The following KDM1B variants were observed in gnomAD, a reference collection of about 807,000 sequenced individuals.
KDM1B encodes the protein lysine-specific histone demethylase 2.
KDM1B carries 63 observed loss-of-function variants against 107.4 expected under a neutral mutation model. That is an observed-to-expected ratio of 0.59 (90% confidence interval 0.48 to 0.72). The LOEUF is 0.72. KDM1B is among the 30% of genes least tolerant of loss of function. The pLI, the probability that KDM1B is intolerant of heterozygous loss-of-function variation, is 0.00. For synonymous variants in KDM1B, 363 were observed against 363.9 expected (o/e 1.00, Z 0.03); for missense variants, 749 against 1,020.8 (o/e 0.73, Z 3.63).
At position 18,175,950 on chromosome 6, in the gene KDM1B, G is replaced by A. The variant is rs551825194; in HGVS notation, c.534+4471G>A. On this transcript the variant is annotated intron_variant, in intron 7 of 21. Coordinates refer to ENST00000650836, the MANE Select transcript of KDM1B (RefSeq NM_001364614.2). The stretch of plus-strand genomic sequence containing the variant: ...GCTTTGTCTTGCTTTGGCTATGCGG[G>A]CTCTTTTTTGGTTCCATATGAGTTT... Among the ~76,000 whole-genome samples the A allele has an allele frequency of 5.9e-5, 9 of 152,084 alleles. No homozygotes were observed. In the East Asian group the frequency reaches 1.7e-3, roughly 29 times the overall value.
chr6:18,205,520 A>T lies in KDM1B; in HGVS notation c.1532-17A>T. 6.5e-7 allele frequency: 1 copy of T among 1,546,366 alleles called. No individual in the cohort carries two copies. The highest frequency in any genetic ancestry group is 8.7e-7 in the Non-Finnish European group (1 of 1,144,640). ...GTTAAAGCTATTTTTTTCTGCTTTG[A>T]TCCATTCCCATTACAGAAAAGATAG... On this transcript the variant is annotated splice_polypyrimidine_tract_variant and intron_variant, in intron 14 of 21. Coordinates refer to ENST00000650836, the MANE Select transcript of KDM1B (RefSeq NM_001364614.2). The surrounding 1 kb of genome is among the most constrained non-coding windows in gnomAD (Gnocchi z 5.7).
chr6:18,205,429 T>G lies in KDM1B; in HGVS notation c.1532-108T>G. 9.8e-7 allele frequency: 1 copy of G among 1,025,640 alleles called. No homozygotes were observed. The highest frequency in any genetic ancestry group is 1.4e-6 in the Non-Finnish European group (1 of 724,004). 63.5% of individuals were successfully genotyped at this position (1,025,640 alleles called of 1,614,324 possible). ...CTCTGACTTTACTTGGGAAAAGACT[T>G]TGGAAGTTTTGGGTGTTGCTGGGTG... is the stretch of plus-strand genomic sequence containing the variant. On this transcript the variant is annotated intron_variant, in intron 14 of 21. Transcript: ENST00000650836. The surrounding 1 kb of genome is among the most constrained non-coding windows in gnomAD (Gnocchi z 5.7).
In KDM1B at chr6:18,175,000, C is replaced by T. The variant is rs962741698; in HGVS notation, c.534+3521C>T. 4.6e-5 allele frequency among the ~76,000 whole-genome samples: 7 copies of T among 152,272 alleles called. No homozygotes were observed. The East Asian group carries it at 1.3e-3, about 29-fold the overall frequency. On this transcript the variant is annotated intron_variant, in intron 7 of 21. Coordinates refer to ENST00000650836, the MANE Select transcript of KDM1B (RefSeq NM_001364614.2). Reference sequence around the variant, plus strand: ...ATAATGACTTCTTTTCCTCTGGATACCCAGTAGTGGAATTGCTGGATCAAA... The same window carrying T: ...ATAATGACTTCTTTTCCTCTGGATATCCAGTAGTGGAATTGCTGGATCAAA...
intron 7 of KDM1B, among the ~76,000 whole-genome samples, chr6:18,179,433 A>T (rs575316530): frequency 4.0e-5 from 6 of 151,850 alleles, no homozygotes; most frequent in African/African-American, 1.5e-4. Context: ...CCTCTTTTCT[A>T]TTTTGTTGTA....
chr6:18,166,304 A>C lies in KDM1B; in HGVS notation c.343A>C (p.Lys115Gln), dbSNP rs1785288666. The change falls in exon 6 of 22, where the codon AAA becomes CAA. Residue 115 changes from lysine (K) to glutamine (Q), a missense_variant. By Grantham distance (53) the Lys-to-Gln change is moderately conservative (BLOSUM62 1). Coordinates refer to ENST00000650836, the MANE Select transcript of KDM1B (RefSeq NM_001364614.2). Reference sequence around the variant, plus strand: ...ATATGACAAATATACTACATGGAAAAAAATATGGACTAGCAATGGCAAAAC... The same window carrying C: ...ATATGACAAATATACTACATGGAAACAAATATGGACTAGCAATGGCAAAAC... ...DGYDKYTTWK[K>Q]IWTSNGKTEP... is the part of the protein sequence containing the mutation. 6.2e-7 allele frequency: 1 copy of C among 1,611,780 alleles called. No homozygotes were observed. Among genetic ancestry groups the C allele is most frequent in the South Asian group, 1.1e-5 (1 of 91,040 alleles).
intron 7 of KDM1B, among the ~76,000 whole-genome samples, chr6:18,182,549 T>C (rs1786549093): frequency 6.6e-6 from 1 of 152,126 alleles, no homozygotes; most frequent in Non-Finnish European, 1.5e-5. Context: ...TTTCATTCTT[T>C]TTTTTTTGAG....
chr6:18,200,946 C>T lies in KDM1B; in HGVS notation c.1359+370C>T, dbSNP rs1787990113. Among the ~76,000 whole-genome samples, 1 of 152,152 alleles carries T rather than the reference C, an allele frequency of 6.6e-6. No homozygotes were observed. The highest frequency in any genetic ancestry group is 1.5e-5 in the Non-Finnish European group (1 of 68,024). ...TCCCAGTATTACATGGGATATTTTA[C>T]ATGCAATATTTGGGACATACTTATA... is the stretch of plus-strand genomic sequence containing the variant. On this transcript the variant is annotated intron_variant, in intron 13 of 21. Coordinates refer to ENST00000650836, the MANE Select transcript of KDM1B (RefSeq NM_001364614.2). The surrounding 1 kb of genome is among the most constrained non-coding windows in gnomAD (Gnocchi z 4.3).
rs1787965572 is a variant in KDM1B, at chr6:18,200,542, G to C, written c.1325G>C (p.Cys442Ser). Residue 442 changes from cysteine to serine, a missense_variant, in exon 13 of 22, where the codon TGT becomes TCT. Coordinates refer to ENST00000650836, the MANE Select transcript of KDM1B (RefSeq NM_001364614.2). This position sits in a 1 kb window ranked among gnomAD's most constrained non-coding sequence, Gnocchi z 4.3. ...VGRGAQIVNG[C>S]INNPVALMCE... is the part of the protein sequence containing the mutation. ...AGAGGAGCTCAGATTGTCAATGGGT[G>C]TATTAACAACCCAGTAGCATTAATG... 6.2e-7 allele frequency: 1 copy of C among 1,613,304 alleles called. No homozygotes were observed. The highest frequency in any genetic ancestry group is 8.5e-7 in the Non-Finnish European group (1 of 1,179,482).
intron 7 of KDM1B, among the ~76,000 whole-genome samples, chr6:18,184,873 G>A (rs1466881180): frequency 6.8e-6 from 1 of 147,790 alleles, no homozygotes. Flanking sequence ...GTAGTTGGAA[G>A]TACAGGCATG....
At chr6:18,175,815 T>G (rs201987509) in intron 7 of KDM1B, among the ~76,000 whole-genome samples, 2 of 152,176 alleles carry the variant, frequency 1.3e-5, no homozygotes, top group Admixed American at 6.6e-5. Flanking sequence ...CTATTCTGTT[T>G]CATTGGTCTA....
rs1787268548 is a variant in KDM1B, at chr6:18,191,296, A to G, written c.884A>G (p.Tyr295Cys). 2.6e-6 allele frequency: 4 copies of G among 1,550,738 alleles called. No homozygotes were observed. Among genetic ancestry groups the G allele is most frequent in the South Asian group, 1.2e-5 (1 of 84,062 alleles). The change falls in exon 10 of 22, where the codon TAT becomes TGT. Residue 295 changes from tyrosine to cysteine, a missense_variant. By Grantham distance (194) the Tyr-to-Cys change is radical. Transcript: ENST00000650836. This position sits in a 1 kb window ranked among gnomAD's most constrained non-coding sequence, Gnocchi z 5.1. ...GATGTGATGGAACTGGATGAGCTCTATGAGTTTCCAGAGTATTCCCGAGAC... is the reference window on the plus strand; with the variant it reads ...GATGTGATGGAACTGGATGAGCTCTGTGAGTTTCCAGAGTATTCCCGAGAC... ...RPDVMELDEL[Y>C]EFPEYSRDPT... is the part of the protein sequence containing the mutation.
chr6:18,213,634 C>T lies in KDM1B; in HGVS notation c.1984-22C>T. On this transcript the variant is annotated intron_variant, in intron 18 of 21. Transcript: ENST00000650836. The surrounding 1 kb of genome is among the most constrained non-coding windows in gnomAD (Gnocchi z 5.9). ...TTTGTGACGACAGACACCTAACCAC[C>T]TTTCTTCTGCTCACTTTGCAGATTG... is the stretch of plus-strand genomic sequence containing the variant. 2 of 1,613,736 alleles carry T rather than the reference C, an allele frequency of 1.2e-6. No homozygotes were observed. The highest frequency in any genetic ancestry group is 1.1e-5 in the South Asian group (1 of 91,054).
chr6:18,175,587 C>G (rs969199629), intron 7 of KDM1B, among the ~76,000 whole-genome samples: 1 of 152,128 alleles, frequency 6.6e-6, no homozygotes, highest in Non-Finnish European at 1.5e-5. Context: ...AGTATTTCTT[C>G]TAGAATTTTT....
Position 18,191,349 on chromosome 6 carries a change from C to A in KDM1B, c.937C>A (p.Leu313Ile), listed in dbSNP as rs1180912886. The stretch of plus-strand genomic sequence containing the variant: ...CACCATGTACCTGGCTTTGAGAAAC[C>A]TCATCCTCGCACTGTGGTATACTAA... Reference protein sequence around the residue: ...DPTMYLALRNLILALWYTNCK... With the variant: ...DPTMYLALRNIILALWYTNCK... The change falls in exon 10 of 22, where the codon CTC becomes ATC. Residue 313 changes from leucine (L) to isoleucine (I), a missense_variant. Physicochemically the swap from Leu to Ile is conservative, Grantham distance 5 (BLOSUM62 2). Coordinates refer to ENST00000650836, the MANE Select transcript of KDM1B (RefSeq NM_001364614.2). This position sits in a 1 kb window ranked among gnomAD's most constrained non-coding sequence, Gnocchi z 5.1. 2 of 1,551,054 alleles carry A rather than the reference C, an allele frequency of 1.3e-6. No individual in the cohort carries two copies. The highest frequency in any genetic ancestry group is 1.7e-6 in the Non-Finnish European group (2 of 1,147,090).
chr6:18,221,775 GGTGA>G lies in KDM1B; in HGVS notation c.2386-130_2386-127del, dbSNP rs974039105. ...CCAGAAAAGTTCCAGTGTTACGATGGGTGAGTGTGAATATGAGCACACAGGAGTG... is the reference window on the plus strand; with the variant it reads ...CCAGAAAAGTTCCAGTGTTACGATGGGTGTGAATATGAGCACACAGGAGTG... On this transcript the variant is annotated intron_variant, in intron 21 of 21. Coordinates refer to ENST00000650836, the MANE Select transcript of KDM1B (RefSeq NM_001364614.2). The G allele has an allele frequency of 1.2e-4, 85 of 698,902 alleles. No homozygotes were observed. In the African/African-American group the frequency reaches 1.3e-3, roughly 11 times the overall value. 43.3% of individuals were successfully genotyped at this position (698,902 alleles called of 1,614,324 possible). A position where few individuals can be genotyped will look rare whatever the true frequency, so the allele number is the denominator to read the frequency against.
Position 18,222,517 on chromosome 6 carries a change from A to T in KDM1B, c.*525A>T. On this transcript the variant is annotated 3_prime_UTR_variant, in exon 22 of 22. Transcript: ENST00000650836. ...GAACTTTTTTTTGGATACAGCACAA[A>T]CTCCAGTTGACAGTAAAATGAAGCT... 1 of 184,478 alleles carries T rather than the reference A, an allele frequency of 5.4e-6. No individual in the cohort carries two copies. The highest frequency in any genetic ancestry group is 5.7e-5 in the Admixed American group (1 of 17,572). The allele number at this position is 184,478 out of a possible 1,614,324, so 11.4% of individuals were successfully genotyped here. A position where few individuals can be genotyped will look rare whatever the true frequency, so the allele number is the denominator to read the frequency against.
chr6:18,198,866 T>TAAA (rs1284777700), intron 12 of KDM1B, among the ~76,000 whole-genome samples: 1 of 144,138 alleles, frequency 6.9e-6, no homozygotes, highest in Non-Finnish European at 1.5e-5. Context: ...CCTCTTATAC[T>TAAA]AAAAAAAAAA....
intron 5 of KDM1B, among the ~76,000 whole-genome samples, chr6:18,164,186 G>A (rs1785143693): frequency 6.6e-6 from 1 of 151,914 alleles, no homozygotes; most frequent in South Asian, 2.1e-4. Flanking sequence ...GGAGTGCAGT[G>A]GTGCGATCTG....
intron 17 of KDM1B, among the ~76,000 whole-genome samples, chr6:18,210,427 A>G (rs1407234110): frequency 1.5e-5 from 2 of 130,018 alleles, no homozygotes; most frequent in Non-Finnish European, 3.1e-5. Context: ...TGCAGCTTGT[A>G]GCTCACAGCA....
Sources: allele counts gnomAD v4.1 joint callset (sites outside exome capture counted in the v4.1 genomes callset), GRCh38; gene constraint gnomAD v4.1.1; non-coding constraint Gnocchi (gnomAD v3.1); transcripts MANE v1.5; gene names NCBI Gene and HGNC (gene_info 2026-07-23, HGNC 2026-07-21).